NEBL: variants seen among roughly 807,000 people sequenced by gnomAD.
The protein encoded by NEBL is LIM and SH3 protein 2.
In NEBL, 122 loss-of-function variants were observed where a neutral mutation model predicts 140.2. The ratio of observed to expected loss-of-function variants is 0.87; its 90% CI spans 0.75 to 1.01. NEBL has a LOEUF of 1.01. Ranked by LOEUF, NEBL falls within the 50% of genes least tolerant of loss-of-function variation. The pLI is 0.00. For missense variants in NEBL, 1,365 were observed against 1,231.3 expected (o/e 1.11, Z -1.62); for synonymous variants, 436 against 398.9 (o/e 1.09, Z -1.11).
chr10:21,029,535 G>A, intron 2 of NEBL: 1 of 1,607,560 alleles, frequency 6.2e-7, no homozygotes, highest in Non-Finnish European at 8.5e-7. Context: ...ATACAGACAG[G>A]GACGATCGTT....
chr10:21,132,660 CT>C (rs1839166399), intron 2 of NEBL, among the ~76,000 whole-genome samples: 1 of 152,128 alleles, frequency 6.6e-6, no homozygotes, highest in African/African-American at 2.4e-5. Flanking sequence ...TATTGTCCAC[CT>C]TTTTCACTAT....
At chr10:20,954,488 G>C (rs1277433474) in intron 4 of NEBL, among the ~76,000 whole-genome samples, 3 of 152,152 alleles carry the variant, frequency 2.0e-5, no homozygotes, top group Non-Finnish European at 4.4e-5. Context: ...TGGTGTTGCA[G>C]GACTTTTCCT....
At chr10:21,122,427 G>A (rs554642572) in intron 2 of NEBL, among the ~76,000 whole-genome samples, 2 of 152,152 alleles carry the variant, frequency 1.3e-5, no homozygotes, top group East Asian at 3.9e-4. Context: ...TGACCTGAGA[G>A]TCTCACTTCA....
intron 2 of NEBL, among the ~76,000 whole-genome samples, chr10:21,119,436 CAT>C (rs912756026): frequency 5.1e-4 from 60 of 117,226 alleles, no homozygotes; most frequent in African/African-American, 2.8e-3. Flanking sequence ...CTTAATATAA[CAT>C]ATATAGTTAT....
intron 2 of NEBL, among the ~76,000 whole-genome samples, chr10:21,160,913 G>A (rs776990136): frequency 6.6e-6 from 1 of 150,962 alleles, no homozygotes; most frequent in African/African-American, 2.4e-5. Context: ...ATGGTCTGAT[G>A]TCTCAAACAC....
At chr10:20,905,211 T>G (rs965790100) in intron 4 of NEBL, among the ~76,000 whole-genome samples, 5 of 152,186 alleles carry the variant, frequency 3.3e-5, no homozygotes, top group Non-Finnish European at 5.9e-5. Flanking sequence ...TGTAATATAG[T>G]GCTCCTAAAA....
At chr10:21,082,301 T>C (rs1036533399) in intron 2 of NEBL, among the ~76,000 whole-genome samples, 1 of 152,116 alleles carries the variant, frequency 6.6e-6, no homozygotes, top group African/African-American at 2.4e-5. Context: ...GGCAAAACTT[T>C]AATGGGGTCT....
At chr10:21,114,441 T>C (rs550333831) in intron 2 of NEBL, among the ~76,000 whole-genome samples, 2 of 152,224 alleles carry the variant, frequency 1.3e-5, no homozygotes, top group African/African-American at 2.4e-5. Flanking sequence ...TTTGATCATG[T>C]TGATTATAGT....
At chr10:20,799,684 T>C (rs145325199) in intron 26 of NEBL, among the ~76,000 whole-genome samples, 34 of 152,254 alleles carry the variant, frequency 2.2e-4, no homozygotes, top group South Asian at 1.5e-3. Context: ...AGGAGTTGGA[T>C]TGGGGAGTGA....
chr10:21,177,236 T>C (rs1009438584), upstream of NEBL, among the ~76,000 whole-genome samples: 1 of 152,260 alleles, frequency 6.6e-6, no homozygotes. Context: ...TTTTGGGCTT[T>C]GGCCCTTGGC....
intron 4 of NEBL, among the ~76,000 whole-genome samples, chr10:20,912,894 T>TC (rs1848389092): frequency 6.6e-6 from 1 of 150,910 alleles, no homozygotes; most frequent in Non-Finnish European, 1.5e-5. Flanking sequence ...TTTTTTTTTT[T>TC]TTTTTTTAGA....
chr10:21,182,541 C>T (rs992274511), intron 3 of NEBL, among the ~76,000 whole-genome samples: 1 of 152,050 alleles, frequency 6.6e-6, no homozygotes, highest in Admixed American at 6.6e-5. Flanking sequence ...GTCTTTAAGA[C>T]AAATATTCCC....
Position 21,186,653 on chromosome 10 carries a change from G to A in NEBL, n.349-14176C>T, listed in dbSNP as rs899917195. On this transcript the variant is annotated intron_variant and non_coding_transcript_variant, in intron 3 of 8. Transcript: ENST00000675702. ...ACTTTCTTAAAACATTATGAGAATT[G>A]TTTGCGACTTTTTTTTTTTTTTTAG... is the stretch of plus-strand genomic sequence containing the variant. Among the ~76,000 whole-genome samples the A allele has an allele frequency of 3.2e-4, 48 of 149,660 alleles. 2 individuals carry two copies. Among genetic ancestry groups the A allele is most frequent in the South Asian group, 4.2e-4 (2 of 4,738 alleles).
intron 2 of NEBL, among the ~76,000 whole-genome samples, chr10:21,161,319 A>G (rs1203640702): frequency 6.6e-6 from 1 of 152,106 alleles, no homozygotes; most frequent in Non-Finnish European, 1.5e-5. Flanking sequence ...GTCTTGAGCC[A>G]CCATACTCGT....
At chr10:21,251,687 C>T (rs1173768607) in intron 2 of NEBL, among the ~76,000 whole-genome samples, 1 of 151,998 alleles carries the variant, frequency 6.6e-6, no homozygotes, top group Non-Finnish European at 1.5e-5. Flanking sequence ...CTCTCATGAA[C>T]GGGATTAACA....
intron 21 of NEBL, among the ~76,000 whole-genome samples, chr10:20,817,039 G>A (rs1216163300): frequency 2.0e-5 from 3 of 152,032 alleles, no homozygotes; most frequent in Non-Finnish European, 4.4e-5. Flanking sequence ...GGAGACCATA[G>A]CACCCATCAG....
At chr10:21,110,932 A>T in intron 2 of NEBL, 1 of 514,308 alleles carries the variant, frequency 1.9e-6, no homozygotes, top group Admixed American at 2.3e-5. Flanking sequence ...AATCACAAGC[A>T]TTCCTATGCA....
chr10:20,930,829 G>A (rs1426923266), intron 4 of NEBL, among the ~76,000 whole-genome samples: 1 of 152,138 alleles, frequency 6.6e-6, no homozygotes, highest in Non-Finnish European at 1.5e-5. Flanking sequence ...ATACCATAAG[G>A]TTTGCCTAGA....
intron 2 of NEBL, among the ~76,000 whole-genome samples, chr10:21,147,880 G>A (rs146640880): frequency 2.0e-5 from 3 of 152,120 alleles, no homozygotes; most frequent in South Asian, 2.1e-4. Flanking sequence ...TCACTCACAG[G>A]TTCCTTCATG....
Sources: gnomAD v4.1 joint callset for allele counts (sites outside exome capture counted in the v4.1 genomes callset) on GRCh38, gnomAD v4.1.1 for gene constraint, MANE v1.5 for transcripts, NCBI Gene and HGNC (gene_info 2026-07-23, HGNC 2026-07-21) for gene names.